NBEA: variants seen among roughly 807,000 people sequenced by gnomAD.
NBEA encodes neurobeachin, also known as lysosomal-trafficking regulator 2.
A neutral mutation model predicts 343.4 loss-of-function variants in NBEA; 44 were observed. The observed-to-expected ratio is 0.13, with a 90% confidence interval of 0.10 to 0.16. The LOEUF is 0.16. Ranked by LOEUF, NBEA falls within the 10% of genes least tolerant of loss-of-function variation. NBEA has a pLI of 1.00. For synonymous variants in NBEA, 1,175 were observed against 1,238.7 expected, an observed-to-expected ratio of 0.95 and a Z score of 1.08; for missense variants, 2,555 against 3,631.3, an observed-to-expected ratio of 0.70 and a Z score of 7.62.
intron 41 of NBEA, among the ~76,000 whole-genome samples, chr13:35,508,444 A>G (rs1213417110): frequency 2.6e-5 from 4 of 152,220 alleles, no homozygotes; most frequent in Non-Finnish European, 5.9e-5. Flanking sequence ...TAATGTTAGC[A>G]TGAAGAATGA....
chr13:35,336,216 G>C (rs371442180), intron 36 of NBEA, among the ~76,000 whole-genome samples: 4 of 152,076 alleles, frequency 2.6e-5, no homozygotes, highest in Admixed American at 2.6e-4. Flanking sequence ...AGGGAAGAGA[G>C]AGAATGAGAT....
chr13:34,977,649 T>C (rs2060225936), intron 1 of NBEA, among the ~76,000 whole-genome samples: 2 of 152,150 alleles, frequency 1.3e-5, no homozygotes, highest in Admixed American at 6.5e-5. Context: ...GATGCTAACA[T>C]TAATCTGTAT....
intron 1 of NBEA, among the ~76,000 whole-genome samples, chr13:35,022,347 A>G (rs1202719929): frequency 6.6e-6 from 1 of 152,072 alleles, no homozygotes; most frequent in African/African-American, 2.4e-5. Flanking sequence ...GAGTTTTTAT[A>G]GACTGTATTT....
chr13:35,344,776 A>G (rs1730366995), intron 36 of NBEA, among the ~76,000 whole-genome samples: 1 of 152,146 alleles, frequency 6.6e-6, no homozygotes, highest in African/African-American at 2.4e-5. Context: ...CTTCCTGTAG[A>G]GAAAACTCTA....
chr13:35,280,514 G>A (rs943325677), intron 34 of NBEA, among the ~76,000 whole-genome samples: 1 of 151,864 alleles, frequency 6.6e-6, no homozygotes, highest in Non-Finnish European at 1.5e-5. Context: ...AATCACAATA[G>A]GAATTACATT....
chr13:35,621,776 A>G (rs2083003690), intron 48 of NBEA, among the ~76,000 whole-genome samples: 1 of 152,194 alleles, frequency 6.6e-6, no homozygotes, highest in Non-Finnish European at 1.5e-5. Flanking sequence ...TAATAAACCT[A>G]TAAATATTTA....
intron 47 of NBEA, among the ~76,000 whole-genome samples, chr13:35,599,779 T>C (rs1222274609): frequency 1.3e-5 from 2 of 152,220 alleles, no homozygotes; most frequent in African/African-American, 2.4e-5. Flanking sequence ...AGGACTGTTA[T>C]AGCCATCTAT....
At chr13:35,119,804 T>C (rs2066695948) in intron 16 of NBEA, among the ~76,000 whole-genome samples, 1 of 152,202 alleles carries the variant, frequency 6.6e-6, no homozygotes, top group African/African-American at 2.4e-5. Context: ...TTAGCCAGGA[T>C]GGTCTCCATC....
At chr13:35,422,562 G>T (rs552263152) in intron 38 of NBEA, among the ~76,000 whole-genome samples, 1 of 151,998 alleles carries the variant, frequency 6.6e-6, no homozygotes, top group Non-Finnish European at 1.5e-5. Context: ...TGGACATTTG[G>T]GTTGGTTCCA....
intron 38 of NBEA, among the ~76,000 whole-genome samples, chr13:35,352,913 A>T (rs545670096): frequency 6.6e-6 from 1 of 151,862 alleles, no homozygotes; most frequent in Non-Finnish European, 1.5e-5. Flanking sequence ...ACATACAATT[A>T]TTGTTGTTGT....
At chr13:35,473,215 T>G (rs2075730307) in intron 41 of NBEA, among the ~76,000 whole-genome samples, 1 of 152,190 alleles carries the variant, frequency 6.6e-6, no homozygotes, top group South Asian at 2.1e-4. Context: ...GAGTAGCTCT[T>G]TCTCAGCATT....
chr13:35,659,859 A>G (rs1292772042), intron 55 of NBEA, among the ~76,000 whole-genome samples: 1 of 152,244 alleles, frequency 6.6e-6, no homozygotes, highest in Non-Finnish European at 1.5e-5. Context: ...TTCATCCGAA[A>G]CAGACTTTTA....
At position 35,276,861 on chromosome 13, in the gene NBEA, G is replaced by A. The variant is rs141628260; in HGVS notation, c.5777-13528G>A. Among the ~76,000 whole-genome samples, 11 of 152,020 alleles carry A rather than the reference G, an allele frequency of 7.2e-5. No homozygotes were observed. The East Asian group carries it at 9.7e-4, about 13-fold the overall frequency. On this transcript the variant is annotated intron_variant, in intron 34 of 58. Coordinates refer to ENST00000379939, the MANE Select transcript of NBEA (RefSeq NM_001385012.1). ...TCAGGTTGCTCTAAGCAAAGTCCAC[G>A]TTTTTTTAATTGAATTCTGATTCTT...
At chr13:35,207,720 T>G (rs2073490351) in intron 31 of NBEA, among the ~76,000 whole-genome samples, 1 of 152,142 alleles carries the variant, frequency 6.6e-6, no homozygotes, top group Admixed American at 6.6e-5. Flanking sequence ...ACTCCTCTGT[T>G]AAAGAAACCA....
At chr13:35,644,290 AC>A (rs1890641268) in intron 49 of NBEA, among the ~76,000 whole-genome samples, 2 of 152,036 alleles carry the variant, frequency 1.3e-5, no homozygotes, top group South Asian at 4.2e-4. Context: ...TGATTGGGGA[AC>A]TCTTTTAAAT....
At chr13:34,963,955 A>G (rs1474946046) in intron 1 of NBEA, among the ~76,000 whole-genome samples, 2 of 152,046 alleles carry the variant, frequency 1.3e-5, no homozygotes, top group South Asian at 4.1e-4. Context: ...GGATTTTGCT[A>G]AATGCTTTAC....
chr13:35,659,647 A>G (rs1049764322), intron 55 of NBEA, among the ~76,000 whole-genome samples: 1 of 152,236 alleles, frequency 6.6e-6, no homozygotes, highest in Non-Finnish European at 1.5e-5. Flanking sequence ...TCAGATATAG[A>G]GTCTCAGACC....
chr13:35,027,287 T>C lies in NBEA; in HGVS notation c.295-13646T>C, dbSNP rs1026372558. The stretch of plus-strand genomic sequence containing the variant: ...CCAGTAGTGAAATTACTTGATAATA[T>C]GCTAACTGTATGTTTAGTTTTGTAA... On this transcript the variant is annotated intron_variant, in intron 1 of 58. Coordinates refer to ENST00000379939, the MANE Select transcript of NBEA (RefSeq NM_001385012.1). Among the ~76,000 whole-genome samples the C allele has an allele frequency of 2.6e-5, 4 of 152,102 alleles. No individual in the cohort carries two copies. The East Asian group carries it at 5.8e-4, about 22-fold the overall frequency.
chr13:35,305,717 A>C (rs2036846632), intron 35 of NBEA, among the ~76,000 whole-genome samples: 1 of 152,198 alleles, frequency 6.6e-6, no homozygotes, highest in Non-Finnish European at 1.5e-5. Flanking sequence ...TTTGAGCAAG[A>C]AGTAAACTTT....
Sources: gnomAD v4.1 joint callset for allele counts (sites outside exome capture counted in the v4.1 genomes callset) on GRCh38, gnomAD v4.1.1 for gene constraint, MANE v1.5 for transcripts, NCBI Gene and HGNC (gene_info 2026-07-23, HGNC 2026-07-21) for gene names.